MOK: variants seen among roughly 807,000 people sequenced by gnomAD.
MOK encodes the protein MAPK/MAK/MRK overlapping kinase.
A neutral mutation model predicts 54.2 loss-of-function variants in MOK; 59 were observed. The ratio of observed to expected loss-of-function variants is 1.09; its 90% confidence interval spans 0.88 to 1.35. The LOEUF (loss-of-function observed/expected upper bound fraction) is 1.35, where lower values mean the gene tolerates loss of function less well. Among genes scored for constraint, MOK ranks in the 40% most tolerant of loss-of-function variants. MOK has a pLI of 0.00. For missense variants in MOK, 517 were observed against 526.2 expected, an observed-to-expected ratio of 0.98 and a Z score of 0.17; for synonymous variants, 210 against 202.7, an observed-to-expected ratio of 1.04 and a Z score of -0.31.
At chr14:102,224,746 G>T (rs942783381), downstream of MOK, 1 of 456,056 alleles carries the variant, frequency 2.2e-6, no homozygotes, top group East Asian at 6.9e-5. Flanking sequence ...ACTCGAAGGC[G>T]CCAGCAGGGA....
chr14:102,241,388 G>C (rs2065703419), intron 7 of MOK, among the ~76,000 whole-genome samples: 1 of 152,158 alleles, frequency 6.6e-6, no homozygotes, highest in Admixed American at 6.5e-5. Flanking sequence ...AGTTTCACGT[G>C]GGGAGACTAG....
rs1378370331 is a variant in MOK, at chr14:102,238,609, AC to A, written c.591-4821del. 5.3e-5 allele frequency among the ~76,000 whole-genome samples: 8 copies of A among 151,716 alleles called. No individual in the cohort carries two copies. The highest frequency in any genetic ancestry group is 1.3e-4 in the Admixed American group (2 of 15,232). On this transcript the variant is annotated intron_variant, in intron 7 of 11. Coordinates refer to ENST00000361847, the MANE Select transcript of MOK (RefSeq NM_014226.3). The surrounding 1 kb of genome is among the most constrained non-coding windows in gnomAD (Gnocchi z 4.8). ...ATTACCCCTGCAGTCCAACCTCAGT[AC>A]CCCCCACTGAAAAAGCCTCATTACT...
rs2153138550 is a variant in MOK, at chr14:102,266,022, A to T, written c.123-110T>A. 7.6e-6 allele frequency: 6 copies of T among 784,338 alleles called. No homozygotes were observed. In the East Asian group the frequency reaches 1.6e-4, roughly 21 times the overall value. 48.6% of individuals were successfully genotyped at this position (784,338 alleles called of 1,614,324 possible). On this transcript the variant is annotated intron_variant, in intron 2 of 11. Transcript: ENST00000361847. Reference sequence around the variant, plus strand: ...TTTAAAACTCACAAATATTTCAAGCAAGTTAATCAGGTTTTATTTCTCCCA... The same window carrying T: ...TTTAAAACTCACAAATATTTCAAGCTAGTTAATCAGGTTTTATTTCTCCCA...
At chr14:102,255,079 G>A (rs2066827256) in intron 4 of MOK, among the ~76,000 whole-genome samples, 1 of 152,192 alleles carries the variant, frequency 6.6e-6, no homozygotes, top group Admixed American at 6.5e-5. Flanking sequence ...CAGCACTTTG[G>A]GAGGCTGAGG....
At chr14:102,267,480 C>T (rs2068008346) in intron 2 of MOK, among the ~76,000 whole-genome samples, 1 of 152,142 alleles carries the variant, frequency 6.6e-6, no homozygotes, top group African/African-American at 2.4e-5. Flanking sequence ...GCAGGAGAAT[C>T]GCTTGAACCC....
At chr14:102,250,201 C>G (rs2066414244) in intron 7 of MOK, among the ~76,000 whole-genome samples, 1 of 152,142 alleles carries the variant, frequency 6.6e-6, no homozygotes, top group Admixed American at 6.5e-5. Flanking sequence ...ACCCCCAGAC[C>G]TTAACCTCAC....
chr14:102,240,865 G>A lies in MOK; in HGVS notation c.591-7076C>T, dbSNP rs141458344. ...CTCTGGGCTTGCCTGCTTCACTATG[G>A]GCAACCTTCCACCCTCCATTCCCCC... On this transcript the variant is annotated intron_variant, in intron 7 of 11. Coordinates refer to ENST00000361847, the MANE Select transcript of MOK (RefSeq NM_014226.3). This position sits in a 1 kb window ranked among gnomAD's most constrained non-coding sequence, Gnocchi z 5.4. Among the ~76,000 whole-genome samples the A allele has an allele frequency of 3.6e-3, 551 of 152,058 alleles. 4 individuals are homozygous for A. Among genetic ancestry groups the A allele is most frequent in the East Asian group, 0.021 (108 of 5,168 alleles).
chr14:102,239,090 C>G (rs942765253), intron 7 of MOK, among the ~76,000 whole-genome samples: 1 of 152,282 alleles, frequency 6.6e-6, no homozygotes, highest in Non-Finnish European at 1.5e-5. Flanking sequence ...CTTTGGTCTC[C>G]CTCGCTCCAA....
At chr14:102,225,434 G>A (rs528610588), downstream of MOK, 65 of 152,298 alleles carry the variant, frequency 4.3e-4, no homozygotes, top group African/African-American at 1.5e-3. Context: ...GGAAGTGGCA[G>A]GTGAAAGTTT....
chr14:102,299,243 G>A (rs56346317), intron 1 of MOK, among the ~76,000 whole-genome samples: 5,422 of 152,294 alleles, frequency 0.036, 251 homozygotes, highest in African/African-American at 0.11. Context: ...GCCGGACGCA[G>A]TGGCTCACGC....
At chr14:102,217,388 TC>T in the MOK span, among the ~76,000 whole-genome samples, 4 of 152,164 alleles carry the variant, frequency 2.6e-5, no homozygotes, top group African/African-American at 9.7e-5. Flanking sequence ...GCGTGGTCTT[TC>T]CCCGGAAGTC....
At chr14:102,219,218 A>G in the MOK span, among the ~76,000 whole-genome samples, 1 of 152,216 alleles carries the variant, frequency 6.6e-6, no homozygotes, top group East Asian at 1.9e-4. Context: ...AAACAAGGTG[A>G]CTTTTTTCAT....
Position 102,231,499 on chromosome 14 carries a change from G to T in MOK, c.981+208C>A. The T allele has an allele frequency of 1.9e-6, 1 of 516,020 alleles. No individual in the cohort carries two copies. Among genetic ancestry groups the T allele is most frequent in the Non-Finnish European group, 3.5e-6 (1 of 287,192 alleles). The allele number at this position is 516,020 out of a possible 1,614,324, so 32.0% of individuals were successfully genotyped here. ...ATTCGTCATCAATTCTTAGCTACTG[G>T]GGCAGAAAGGGCTTGAGCAAATAGA... On this transcript the variant is annotated intron_variant, in intron 10 of 11. Transcript: ENST00000361847. This position sits in a 1 kb window ranked among gnomAD's most constrained non-coding sequence, Gnocchi z 4.4.
chr14:102,292,906 G>C (rs1211940852), intron 1 of MOK, among the ~76,000 whole-genome samples: 1 of 152,094 alleles, frequency 6.6e-6, no homozygotes, highest in Non-Finnish European at 1.5e-5. Flanking sequence ...GGCTGAGGTG[G>C]GCAGATCACC....
rs2066771839 is a variant in MOK at position 102,254,460 on chromosome 14, A to C, written c.284-2465T>G. ...TATCTATAACAGATAAAAAGAAAGC[A>C]ACTTTCCATTTGCCTTCACACACGC... On this transcript the variant is annotated intron_variant, in intron 4 of 11. Transcript: ENST00000361847. Among the ~76,000 whole-genome samples the C allele has an allele frequency of 2.0e-5, 3 of 152,200 alleles. No individual in the cohort carries two copies. In the South Asian group the frequency reaches 6.2e-4, roughly 31 times the overall value.
intron 1 of MOK, among the ~76,000 whole-genome samples, chr14:102,291,854 A>G (rs140042687): frequency 0.054 from 8,235 of 151,972 alleles, 289 homozygotes; most frequent in African/African-American, 0.099. Flanking sequence ...GCTACTTGGG[A>G]GGCTGAGACA....
chr14:102,303,111 A>G (rs141483943), intron 1 of MOK, among the ~76,000 whole-genome samples: 2,714 of 151,972 alleles, frequency 0.018, 89 homozygotes, highest in African/African-American at 0.063. Flanking sequence ...CAGTGAGCCA[A>G]GATTGCACCA....
chr14:102,252,374 G>C (rs769435939), intron 4 of MOK, among the ~76,000 whole-genome samples: 4 of 151,772 alleles, frequency 2.6e-5, no homozygotes, highest in Non-Finnish European at 5.9e-5. Flanking sequence ...AGAATCGCTT[G>C]AACCCAGGAG....
intron 2 of MOK, among the ~76,000 whole-genome samples, chr14:102,275,027 A>C (rs2068726113): frequency 6.6e-6 from 1 of 152,188 alleles, no homozygotes; most frequent in African/African-American, 2.4e-5. Flanking sequence ...TTCAAAACTT[A>C]CTGTTGAGCT....
Sources: gnomAD v4.1 joint callset for allele counts (sites outside exome capture counted in the v4.1 genomes callset) on GRCh38, gnomAD v4.1.1 for gene constraint, Gnocchi (gnomAD v3.1) non-coding constraint, MANE v1.5 for transcripts, NCBI Gene and HGNC (gene_info 2026-07-23, HGNC 2026-07-21) for gene names.